The following SH2D4B variants were observed in gnomAD, a reference collection of about 807,000 sequenced individuals.
The protein encoded by SH2D4B is SH2 domain-containing protein 4B.
In SH2D4B, 45 loss-of-function variants were observed where a neutral mutation model predicts 61.5. The observed-to-expected ratio is 0.73, with a 90% CI of 0.58 to 0.94. The LOEUF (loss-of-function observed/expected upper bound fraction) is 0.94, where lower values mean the gene tolerates loss of function less well. Among genes scored for constraint, SH2D4B ranks in the 40% least tolerant of loss-of-function variants. SH2D4B has a pLI of 0.00. For missense variants in SH2D4B, 572 were observed against 574.2 expected (o/e 1.00, Z 0.04); for synonymous variants, 224 against 220.4 (o/e 1.02, Z -0.14).
At chr10:80,548,703 C>G (rs561722394) in intron 1 of SH2D4B, among the ~76,000 whole-genome samples, 1 of 152,336 alleles carries the variant, frequency 6.6e-6, no homozygotes, top group Admixed American at 6.5e-5. Context: ...ATGCTCGTCT[C>G]CTTCCTTTCT....
intron 4 of SH2D4B, among the ~76,000 whole-genome samples, chr10:80,599,210 A>G (rs1842416572): frequency 1.3e-5 from 2 of 152,094 alleles, no homozygotes; most frequent in African/African-American, 2.4e-5. Flanking sequence ...GGAAGGGGCT[A>G]GTGGGGGTAG....
chr10:80,563,169 GGGATTACA>G (rs1841926813), intron 1 of SH2D4B, among the ~76,000 whole-genome samples: 1 of 151,974 alleles, frequency 6.6e-6, no homozygotes, highest in African/African-American at 2.4e-5. Context: ...CCAAAGTGCT[GGGATTACA>G]GGCGTGAGCC....
At chr10:80,635,352 G>A (rs1259064158) in intron 7 of SH2D4B, among the ~76,000 whole-genome samples, 6 of 152,198 alleles carry the variant, frequency 3.9e-5, no homozygotes, top group Admixed American at 3.9e-4. Flanking sequence ...ATTCCGAGGG[G>A]CAGAGTGGTG....
chr10:80,616,464 A>G (rs1430681316), intron 6 of SH2D4B, among the ~76,000 whole-genome samples: 1 of 152,218 alleles, frequency 6.6e-6, no homozygotes, highest in Non-Finnish European at 1.5e-5. Context: ...AAAAGAGACT[A>G]CAAAGAAGAA....
intron 7 of SH2D4B, among the ~76,000 whole-genome samples, chr10:80,643,485 A>G (rs1840341810): frequency 6.6e-6 from 1 of 152,150 alleles, no homozygotes; most frequent in African/African-American, 2.4e-5. Context: ...TTTTCTGTCT[A>G]TCATGAGTGG....
At chr10:80,585,603 C>T (rs1389286463) in intron 3 of SH2D4B, among the ~76,000 whole-genome samples, 4 of 152,216 alleles carry the variant, frequency 2.6e-5, no homozygotes, top group East Asian at 1.9e-4. Flanking sequence ...GCGTGAACCA[C>T]CGCGCCCAGC....
rs138053976 is a variant in SH2D4B, at chr10:80,554,083, A to G, written c.184+15568A>G. Among the ~76,000 whole-genome samples, 337 of 152,360 alleles carry G rather than the reference A, an allele frequency of 2.2e-3. 1 individual carries two copies. The highest frequency in any genetic ancestry group is 7.9e-3 in the African/African-American group (328 of 41,586). On this transcript the variant is annotated intron_variant, in intron 1 of 7. Coordinates refer to ENST00000646907, the MANE Select transcript of SH2D4B (RefSeq NM_001388272.1). ...TACTTGATAAACATTAGCAGAGCAC[A>G]TTCCTCCTGTGCTTAGTGGAGTTCT...
intron 4 of SH2D4B, among the ~76,000 whole-genome samples, chr10:80,589,432 G>A (rs1027737410): frequency 4.6e-5 from 7 of 152,162 alleles, no homozygotes; most frequent in South Asian, 2.1e-4. Flanking sequence ...CCAGCTACTC[G>A]GGAGGCTGAG....
intron 6 of SH2D4B, among the ~76,000 whole-genome samples, chr10:80,610,242 C>T (rs1354725769): frequency 6.6e-6 from 1 of 152,168 alleles, no homozygotes; most frequent in East Asian, 1.9e-4. Context: ...CTACAGCAGC[C>T]TTCCCCAGTG....
chr10:80,558,067 A>G (rs1013422200), intron 1 of SH2D4B, among the ~76,000 whole-genome samples: 2 of 151,818 alleles, frequency 1.3e-5, no homozygotes, highest in African/African-American at 4.8e-5. Flanking sequence ...TTTATAATTC[A>G]CCTTGTGATT....
In SH2D4B at chr10:80,549,773, G is replaced by T. The variant is rs185176819; in HGVS notation, c.184+11258G>T. The stretch of plus-strand genomic sequence containing the variant: ...CAGGGCCCACTGCTCCCCATCTTTA[G>T]CACCAGTGCTTTCCGAAGCTGCACA... On this transcript the variant is annotated intron_variant, in intron 1 of 7. Coordinates refer to ENST00000646907, the MANE Select transcript of SH2D4B (RefSeq NM_001388272.1). 3.8e-3 allele frequency among the ~76,000 whole-genome samples: 584 copies of T among 152,286 alleles called. 6 individuals carry two copies. The highest frequency in any genetic ancestry group is 0.014 in the African/African-American group (565 of 41,540).
chr10:80,607,223 TGCCTTCTA>T (rs1842530379), intron 5 of SH2D4B: 1 of 152,230 alleles, frequency 6.6e-6, no homozygotes, highest in African/African-American at 2.4e-5. Flanking sequence ...AACTTCCTAT[TGCCTTCTA>T]AGGAAAGCGA....
intron 3 of SH2D4B, among the ~76,000 whole-genome samples, chr10:80,574,039 C>T (rs1842094818): frequency 6.6e-6 from 1 of 152,190 alleles, no homozygotes; most frequent in African/African-American, 2.4e-5. Context: ...GTGCTGACCA[C>T]CTAATCCCAA....
chr10:80,581,473 G>T (rs1475685101), intron 3 of SH2D4B, among the ~76,000 whole-genome samples: 1 of 149,766 alleles, frequency 6.7e-6, no homozygotes, highest in South Asian at 2.1e-4. Context: ...CTTTACACAG[G>T]TAATTCAGTT....
chr10:80,569,543 G>A (rs75031732), intron 1 of SH2D4B, among the ~76,000 whole-genome samples: 2 of 139,364 alleles, frequency 1.4e-5, no homozygotes, highest in East Asian at 5.1e-4. Flanking sequence ...GAAGGGGGAA[G>A]AGGCGGGGGG....
rs187701388 is a variant in SH2D4B, at chr10:80,602,604, A to T, written c.644-975A>T. Reference sequence around the variant, plus strand: ...CTCCCTGCCCACACAGTCACCTACCAGCTCTCAAGGTCATGGGAAACCAAG... The same window carrying T: ...CTCCCTGCCCACACAGTCACCTACCTGCTCTCAAGGTCATGGGAAACCAAG... On this transcript the variant is annotated intron_variant, in intron 4 of 7. Transcript: ENST00000646907. Among the ~76,000 whole-genome samples the T allele has an allele frequency of 3.5e-3, 527 of 152,298 alleles. 3 individuals carry two copies. Among genetic ancestry groups the T allele is most frequent in the African/African-American group, 9.6e-3 (399 of 41,570 alleles).
rs552975648 is a variant in SH2D4B, at chr10:80,583,051, G to A, written c.496-5579G>A. ...CTACTCAGATATTTACTTCTCTCTT[G>A]AATATGAATAGTCAGGGAACATCAG... On this transcript the variant is annotated intron_variant, in intron 3 of 7. Coordinates refer to ENST00000646907, the MANE Select transcript of SH2D4B (RefSeq NM_001388272.1). 2.0e-5 allele frequency among the ~76,000 whole-genome samples: 3 copies of A among 152,246 alleles called. No homozygotes were observed. The East Asian group carries it at 5.8e-4, about 29-fold the overall frequency.
chr10:80,548,441 G>T (rs779403472), intron 1 of SH2D4B, among the ~76,000 whole-genome samples: 31 of 152,162 alleles, frequency 2.0e-4, no homozygotes, highest in African/African-American at 7.0e-4. Flanking sequence ...TGGGATTACA[G>T]GTGTGAGCCA....
At chr10:80,612,293 A>G (rs1346944174) in intron 6 of SH2D4B, among the ~76,000 whole-genome samples, 1 of 149,066 alleles carries the variant, frequency 6.7e-6, no homozygotes, top group Non-Finnish European at 1.5e-5. Context: ...AGGGGCTAGG[A>G]CTTCCTCTGT....
Sources: allele counts gnomAD v4.1 joint callset (sites outside exome capture counted in the v4.1 genomes callset), GRCh38; gene constraint gnomAD v4.1.1; transcripts MANE v1.5; gene names NCBI Gene and HGNC (gene_info 2026-07-23, HGNC 2026-07-21).